The following AUH variants were observed in gnomAD, a reference collection of about 807,000 sequenced individuals.
AUH encodes the protein methylglutaconyl-CoA hydratase, mitochondrial.
Under a neutral mutation model 42.3 loss-of-function variants are expected in AUH, and 29 were observed. The ratio of observed to expected loss-of-function variants is 0.69; its 90% CI spans 0.51 to 0.93. The LOEUF (loss-of-function observed/expected upper bound fraction) is 0.93. Among genes scored for constraint, AUH ranks in the 40% least tolerant of loss-of-function variants. The pLI is 0.00. For missense variants in AUH, 452 were observed against 438.1 expected, an observed-to-expected ratio of 1.03 and a Z score of -0.28; for synonymous variants, 174 against 166.4, an observed-to-expected ratio of 1.05 and a Z score of -0.35.
intron 6 of AUH, among the ~76,000 whole-genome samples, chr9:91,261,609 T>C (rs927185282): frequency 6.6e-6 from 1 of 152,366 alleles, no homozygotes; most frequent in Admixed American, 6.5e-5. Flanking sequence ...TCTGTGTAGC[T>C]ACTTCCTATC....
At chr9:91,237,244 G>GGA (rs941103288) in intron 6 of AUH, among the ~76,000 whole-genome samples, 13 of 152,112 alleles carry the variant, frequency 8.5e-5, no homozygotes, top group Non-Finnish European at 1.6e-4. Flanking sequence ...GGTACAGGAG[G>GGA]GAGAGAGAGA....
At chr9:91,219,028 C>G in intron 7 of AUH, 2 of 985,458 alleles carry the variant, frequency 2.0e-6, no homozygotes, top group African/African-American at 3.5e-5. Context: ...GACAAAGGCA[C>G]ATGCACAGGG....
chr9:91,285,231 G>T (rs1826304847), intron 6 of AUH, among the ~76,000 whole-genome samples: 2 of 149,994 alleles, frequency 1.3e-5, no homozygotes, highest in African/African-American at 4.9e-5. Context: ...AACACCACAT[G>T]TTCTCACTCA....
chr9:91,304,580 G>A (rs542652943), intron 4 of AUH, among the ~76,000 whole-genome samples: 2 of 152,012 alleles, frequency 1.3e-5, no homozygotes, highest in African/African-American at 2.4e-5. Flanking sequence ...AAGCTTATAG[G>A]AAATATATAA....
At position 91,296,112 on chromosome 9, in the gene AUH, T is replaced by C. The variant is rs1587800002; in HGVS notation, c.599-35A>G. ...AAGAAAGAAAATTAAGTATCATCCA[T>C]ATCATCACATTCAAATATGACAACT... On this transcript the variant is annotated intron_variant, in intron 5 of 9. Coordinates refer to ENST00000375731, the MANE Select transcript of AUH (RefSeq NM_001698.3). 4 of 1,595,450 alleles carry C rather than the reference T, an allele frequency of 2.5e-6. No homozygotes were observed. The African/African-American group carries it at 5.4e-5, about 21-fold the overall frequency.
chr9:91,282,121 G>C (rs551157715), intron 6 of AUH, among the ~76,000 whole-genome samples: 1 of 152,174 alleles, frequency 6.6e-6, no homozygotes, highest in East Asian at 1.9e-4. Flanking sequence ...TCTCTGCTCT[G>C]GTTGTGGTGA....
chr9:91,243,737 G>A (rs1208193067), intron 6 of AUH, among the ~76,000 whole-genome samples: 1 of 152,196 alleles, frequency 6.6e-6, no homozygotes. Flanking sequence ...CCCGGGTGGA[G>A]CAGCCCACTT....
chr9:91,324,848 T>C (rs1013476607), intron 4 of AUH, among the ~76,000 whole-genome samples: 2 of 150,676 alleles, frequency 1.3e-5, no homozygotes, highest in African/African-American at 4.9e-5. Context: ...TTATTATAAA[T>C]AACATAAACA....
intron 3 of AUH, among the ~76,000 whole-genome samples, chr9:91,346,780 T>C (rs1339408279): frequency 1.3e-5 from 2 of 151,878 alleles, no homozygotes; most frequent in Non-Finnish European, 2.9e-5. Flanking sequence ...GCAACCCATA[T>C]GTCTGAAACA....
chr9:91,214,121 G>C lies in AUH; in HGVS notation c.*227C>G, dbSNP rs1759954606. 1 of 480,214 alleles carries C rather than the reference G, an allele frequency of 2.1e-6. No individual in the cohort carries two copies. The highest frequency in any genetic ancestry group is 1.9e-5 in the African/African-American group (1 of 51,578). The allele number at this position is 480,214 out of a possible 1,614,324, so 29.7% of individuals were successfully genotyped here. A position where few individuals can be genotyped will look rare whatever the true frequency, so the allele number is the denominator to read the frequency against. Reference sequence around the variant, plus strand: ...AAAATGTATATCTAACTTTGATTCTGTTTCTGACTATACACTACTAGCTTT... The same window carrying C: ...AAAATGTATATCTAACTTTGATTCTCTTTCTGACTATACACTACTAGCTTT... On this transcript the variant is annotated 3_prime_UTR_variant, in exon 10 of 10. Coordinates refer to ENST00000375731, the MANE Select transcript of AUH (RefSeq NM_001698.3).
chr9:91,257,169 A>T (rs1160043220), intron 6 of AUH, among the ~76,000 whole-genome samples: 1 of 152,138 alleles, frequency 6.6e-6, no homozygotes, highest in Non-Finnish European at 1.5e-5. Flanking sequence ...GGTTACGTTG[A>T]TCTAGCTGGA....
chr9:91,260,351 A>C (rs1829645687), intron 6 of AUH, among the ~76,000 whole-genome samples: 1 of 152,268 alleles, frequency 6.6e-6, no homozygotes, highest in East Asian at 1.9e-4. Context: ...CATGAGTTTA[A>C]ACTTACCATC....
chr9:91,339,105 A>C (rs886690930), intron 3 of AUH, among the ~76,000 whole-genome samples: 1 of 152,232 alleles, frequency 6.6e-6, no homozygotes, highest in Non-Finnish European at 1.5e-5. Context: ...ACAGTATTAC[A>C]TACCTTCAGT....
chr9:91,267,999 G>A lies in AUH; in HGVS notation c.655+28022C>T, dbSNP rs3811123. Among the ~76,000 whole-genome samples, 7 of 152,134 alleles carry A rather than the reference G, an allele frequency of 4.6e-5. No homozygotes were observed. In the East Asian group the frequency reaches 1.2e-3, roughly 25 times the overall value. On this transcript the variant is annotated intron_variant, in intron 6 of 9. Transcript: ENST00000375731. ...CCTCCTAACTTCCAGTTTCAGCTAC[G>A]GGCTGCTCTGGTCTTCATACATTAA...
chr9:91,297,981 T>C lies in AUH; in HGVS notation c.598+3A>G, dbSNP rs1827480344. ...TTATGTTTTTAACAGGATTAATTCT[T>C]ACCTGCTACTCGTATATCACAGGCT... is the stretch of plus-strand genomic sequence containing the variant. On this transcript the variant is annotated splice_donor_region_variant and intron_variant, in intron 5 of 9. Coordinates refer to ENST00000375731, the MANE Select transcript of AUH (RefSeq NM_001698.3). The C allele has an allele frequency of 1.3e-6, 2 of 1,591,708 alleles. No homozygotes were observed.
chr9:91,252,942 T>G (rs867848027), intron 6 of AUH, among the ~76,000 whole-genome samples: 10 of 152,222 alleles, frequency 6.6e-5, no homozygotes, highest in African/African-American at 2.4e-4. Context: ...ATACCAGTGA[T>G]TTTTTTGGTT....
At chr9:91,246,673 C>A (rs75752062) in intron 6 of AUH, among the ~76,000 whole-genome samples, 1 of 152,182 alleles carries the variant, frequency 6.6e-6, no homozygotes, top group African/African-American at 2.4e-5. Flanking sequence ...TCAGAAATCA[C>A]GCCAAAGGCA....
At chr9:91,215,246 G>A (rs529279670) in intron 9 of AUH, among the ~76,000 whole-genome samples, 1 of 152,158 alleles carries the variant, frequency 6.6e-6, no homozygotes, top group East Asian at 1.9e-4. Context: ...TCTCCAGGAA[G>A]ACCTAATAAT....
At chr9:91,249,133 C>A (rs1394942071) in intron 6 of AUH, among the ~76,000 whole-genome samples, 2 of 151,378 alleles carry the variant, frequency 1.3e-5, no homozygotes, top group Non-Finnish European at 2.9e-5. Context: ...CCTGTCTCCA[C>A]AAAAAATACA....
Sources: allele counts gnomAD v4.1 joint callset (sites outside exome capture counted in the v4.1 genomes callset), GRCh38; gene constraint gnomAD v4.1.1; transcripts MANE v1.5; gene names NCBI Gene and HGNC (gene_info 2026-07-23, HGNC 2026-07-21).